PAK5: variants seen among roughly 807,000 people sequenced by gnomAD.
PAK5 encodes the protein serine/threonine-protein kinase PAK 5.
PAK5 carries 16 observed loss-of-function variants against 65.9 expected under a neutral mutation model. That is an observed-to-expected ratio of 0.24 (90% confidence interval 0.16 to 0.37). PAK5 has a LOEUF of 0.37. Among genes scored for constraint, PAK5 ranks in the 10% least tolerant of loss-of-function variants. The pLI, the probability that PAK5 is intolerant of heterozygous loss-of-function variation, is 1.00. For synonymous variants in PAK5, 371 were observed against 354.9 expected (o/e 1.05, Z -0.51); for missense variants, 785 against 903.9 (o/e 0.87, Z 1.69).
At chr20:9,631,761 C>T (rs2046925098) in intron 3 of PAK5, among the ~76,000 whole-genome samples, 2 of 152,178 alleles carry the variant, frequency 1.3e-5, no homozygotes, top group South Asian at 4.1e-4. Context: ...TTCAGTGATT[C>T]TAGCAAACAC....
chr20:9,607,167 C>T (rs1012228279), intron 3 of PAK5, among the ~76,000 whole-genome samples: 6 of 152,054 alleles, frequency 3.9e-5, no homozygotes, highest in Non-Finnish European at 5.9e-5. Flanking sequence ...TCAGAGTGAG[C>T]GCCGCCAGCC....
intron 2 of PAK5, among the ~76,000 whole-genome samples, chr20:9,653,750 G>A (rs561873861): frequency 5.9e-5 from 9 of 152,172 alleles, no homozygotes; most frequent in East Asian, 1.9e-4. Context: ...ATTTTCTTAC[G>A]GTTCTGGAGG....
At chr20:9,771,929 T>C (rs928556563) in intron 1 of PAK5, among the ~76,000 whole-genome samples, 5 of 152,164 alleles carry the variant, frequency 3.3e-5, no homozygotes, top group South Asian at 2.1e-4. Flanking sequence ...TCCCAGCTAC[T>C]CAGGAGGCTG....
At chr20:9,682,134 G>A (rs2047658179) in intron 2 of PAK5, among the ~76,000 whole-genome samples, 1 of 152,158 alleles carries the variant, frequency 6.6e-6, no homozygotes, top group South Asian at 2.1e-4. Context: ...GAGGCAGGCG[G>A]ATCACGAGGT....
At chr20:9,617,992 A>G (rs2046692245) in intron 3 of PAK5, among the ~76,000 whole-genome samples, 1 of 152,234 alleles carries the variant, frequency 6.6e-6, no homozygotes, top group South Asian at 2.1e-4. Context: ...TTGAAGATAC[A>G]TCTCAGAAGA....
At chr20:9,596,102 T>G (rs1433116041) in intron 3 of PAK5, among the ~76,000 whole-genome samples, 1 of 152,214 alleles carries the variant, frequency 6.6e-6, no homozygotes, top group Non-Finnish European at 1.5e-5. Flanking sequence ...GAAACAAAGT[T>G]GATTTTTAAA....
At chr20:9,658,108 T>C (rs1156660927) in intron 2 of PAK5, among the ~76,000 whole-genome samples, 1 of 152,224 alleles carries the variant, frequency 6.6e-6, no homozygotes, top group Non-Finnish European at 1.5e-5. Context: ...CCTGGAAATA[T>C]CACTGTTATT....
intron 2 of PAK5, among the ~76,000 whole-genome samples, chr20:9,707,057 G>A (rs796452773): frequency 4.6e-5 from 7 of 152,218 alleles, no homozygotes; most frequent in African/African-American, 1.4e-4. Flanking sequence ...TAACCTGACA[G>A]CATTATGAAA....
chr20:9,612,513 A>C (rs1417692155), intron 3 of PAK5, among the ~76,000 whole-genome samples: 1 of 152,134 alleles, frequency 6.6e-6, no homozygotes, highest in Non-Finnish European at 1.5e-5. Context: ...CCAGAGCAGG[A>C]GCAAGAGAGA....
intron 1 of PAK5, among the ~76,000 whole-genome samples, chr20:9,827,408 C>A (rs1005617453): frequency 6.6e-6 from 1 of 152,128 alleles, no homozygotes; most frequent in Non-Finnish European, 1.5e-5. Context: ...ATTTTTTAGC[C>A]TGGGTAATAT....
chr20:9,626,926 G>A (rs932352523), intron 3 of PAK5, among the ~76,000 whole-genome samples: 1 of 152,102 alleles, frequency 6.6e-6, no homozygotes, highest in South Asian at 2.1e-4. Context: ...ACGCACATGT[G>A]TCTGTGTTAA....
intron 3 of PAK5, among the ~76,000 whole-genome samples, chr20:9,637,765 C>T (rs569490495): frequency 3.4e-4 from 51 of 150,842 alleles, no homozygotes; most frequent in African/African-American, 1.2e-3. Context: ...CCGAATAAAA[C>T]TATCTAATAT....
chr20:9,557,880 C>T (rs2045532565), intron 6 of PAK5, 146 bp from the exon 7 acceptor site: 1 of 532,676 alleles, frequency 1.9e-6, no homozygotes, highest in Non-Finnish European at 3.2e-6. Context: ...GGAAGGAAGT[C>T]TTTGGGATCT....
chr20:9,748,586 C>T (rs1369519773), intron 1 of PAK5, among the ~76,000 whole-genome samples: 1 of 152,090 alleles, frequency 6.6e-6, no homozygotes, highest in African/African-American at 2.4e-5. Context: ...ATGTACTCTT[C>T]AAATTGACAT....
intron 1 of PAK5, among the ~76,000 whole-genome samples, chr20:9,761,027 T>C (rs1333819868): frequency 6.6e-6 from 1 of 152,134 alleles, no homozygotes; most frequent in Non-Finnish European, 1.5e-5. Context: ...GCTAAGTAGT[T>C]TTCCTTAGAG....
chr20:9,566,298 T>A lies in PAK5; in HGVS notation c.1077A>T (p.Gln359His), dbSNP rs1211778979. 6.2e-7 allele frequency: 1 copy of A among 1,613,714 alleles called. No homozygotes were observed. The highest frequency in any genetic ancestry group is 1.7e-5 in the Admixed American group (1 of 60,012). The change falls in exon 5 of 10, where the codon CAA (glutamine) becomes CAT (histidine). Residue 359 changes from glutamine (Q) to histidine (H), a missense_variant. By Grantham distance (24) the Gln-to-His change is conservative (BLOSUM62 0). Transcript: ENST00000353224. ...TYPRGPAKLP[Q>H]SQSKSGYSSS... ...AGGAATAGCCCGATTTGCTTTGACT[T>A]TGAGGTAGTTTGGCAGGGCCCCTGG...
intron 1 of PAK5, among the ~76,000 whole-genome samples, chr20:9,771,020 T>C (rs2048826770): frequency 1.3e-5 from 2 of 151,684 alleles, no homozygotes; most frequent in Admixed American, 6.6e-5. Context: ...AGAACATGAA[T>C]ATAAGAAAGC....
chr20:9,730,702 C>T (rs1162926791), intron 1 of PAK5, among the ~76,000 whole-genome samples: 1 of 152,180 alleles, frequency 6.6e-6, no homozygotes. Flanking sequence ...CATACACATA[C>T]ACCACTAAAT....
At chr20:9,752,218 A>G (rs1468193163) in intron 1 of PAK5, among the ~76,000 whole-genome samples, 6 of 152,172 alleles carry the variant, frequency 3.9e-5, no homozygotes, top group Admixed American at 3.9e-4. Flanking sequence ...GGGTCAAGCA[A>G]TCACAAAGTC....
Sources: allele counts gnomAD v4.1 joint callset (sites outside exome capture counted in the v4.1 genomes callset), GRCh38; gene constraint gnomAD v4.1.1; transcripts MANE v1.5; gene names NCBI Gene and HGNC (gene_info 2026-07-23, HGNC 2026-07-21).